Variants in ELP2 observed in about 807,000 individuals in gnomAD.
The protein encoded by ELP2 is elongator complex protein 2.
ELP2 carries 90 observed loss-of-function variants against 119.2 expected under a neutral mutation model. The ratio of observed to expected loss-of-function variants is 0.75; its 90% CI spans 0.64 to 0.90. The LOEUF (loss-of-function observed/expected upper bound fraction) is 0.90, where lower values mean the gene tolerates loss of function less well. ELP2 is among the 40% of genes least tolerant of loss of function. The pLI, the probability that ELP2 is intolerant of heterozygous loss-of-function variation, is 0.00. For missense variants in ELP2, 921 were observed against 967.8 expected, an observed-to-expected ratio of 0.95 and a Z score of 0.64; for synonymous variants, 339 against 331.0, an observed-to-expected ratio of 1.02 and a Z score of -0.26.
intron 3 of ELP2, chr18:36,138,036 C>A (rs1322285098): frequency 4.1e-6 from 2 of 485,074 alleles, no homozygotes; most frequent in African/African-American, 3.9e-5. Flanking sequence ...GACCTATATT[C>A]TTCAGAATAC....
In ELP2 at chr18:36,133,255, C is replaced by T. The variant is rs2089698845; in HGVS notation, c.156C>T (p.Thr52=). The T allele has an allele frequency of 4.3e-6, 7 of 1,613,296 alleles. No homozygotes were observed. The highest frequency in any genetic ancestry group is 5.9e-6 in the Non-Finnish European group (7 of 1,179,434). ...LYDPLKRVVV[T]NLNGHTARVN... is the part of the protein sequence containing the mutation. ...CTCTAAAGAAAAGGGTTGTTGTTACCAACTTGAATGGTCACACCGCCCGAG... is the reference window on the plus strand; with the variant it reads ...CTCTAAAGAAAAGGGTTGTTGTTACTAACTTGAATGGTCACACCGCCCGAG... Residue 52 remains threonine (T), a synonymous_variant, in exon 2 of 22, where the codon ACC becomes ACT. Coordinates refer to ENST00000358232, the MANE Select transcript of ELP2 (RefSeq NM_018255.4).
intron 19 of ELP2, among the ~76,000 whole-genome samples, chr18:36,169,750 G>A (rs1453731834): frequency 1.3e-5 from 2 of 152,182 alleles, no homozygotes; most frequent in East Asian, 3.9e-4. Flanking sequence ...TGAGCCTACT[G>A]ATGGGACTCC....
At chr18:36,131,169 A>G (rs1401110543) in intron 1 of ELP2, among the ~76,000 whole-genome samples, 4 of 152,166 alleles carry the variant, frequency 2.6e-5, no homozygotes, top group Admixed American at 6.5e-5. Flanking sequence ...GCCAGACCCT[A>G]TCTCAAAAAA....
rs201580162 is a variant in ELP2, at chr18:36,143,000, A to T, written c.796+34A>T. On this transcript the variant is annotated intron_variant, in intron 8 of 21. Transcript: ENST00000358232. ...TAATGAAAATATCCAATATAACGAT[A>T]CTTAGGTCTCCTAGTTGGTTGATTT... is the stretch of plus-strand genomic sequence containing the variant. 2.0e-6 allele frequency: 3 copies of T among 1,493,264 alleles called. No individual in the cohort carries two copies. In the African/African-American group the frequency reaches 4.2e-5, roughly 21 times the overall value. The allele number at this position is 1,493,264 out of a possible 1,614,324, so 92.5% of individuals were successfully genotyped here.
chr18:36,161,031 T>A (rs748435888), intron 17 of ELP2, 27 bp downstream of exon 17: 1 of 1,578,614 alleles, frequency 6.3e-7, no homozygotes. Flanking sequence ...TTGATTCTGC[T>A]TGGTCACAGG....
At chr18:36,144,697 T>G (rs2090142881) in intron 8 of ELP2, among the ~76,000 whole-genome samples, 1 of 152,248 alleles carries the variant, frequency 6.6e-6, no homozygotes, top group Admixed American at 6.5e-5. Context: ...AGATATTCCT[T>G]CATATTTATT....
chr18:36,171,076 G>T lies in ELP2; in HGVS notation c.2240G>T (p.Gly747Val). 6.2e-7 allele frequency: 1 copy of T among 1,613,988 alleles called. No homozygotes were observed. The highest frequency in any genetic ancestry group is 8.5e-7 in the Non-Finnish European group (1 of 1,179,840). The change falls in exon 21 of 22, where the codon GGA becomes GTA. Residue 747 changes from glycine (G) to valine (V), a missense_variant. Transcript: ENST00000358232. Reference sequence around the variant, plus strand: ...GTGGTTGCAGTAGGATTGGAGTGTGGAAAGATTTGCTTATATACCTGGAAA... The same window carrying T: ...GTGGTTGCAGTAGGATTGGAGTGTGTAAAGATTTGCTTATATACCTGGAAA... ...RYVVAVGLEC[G>V]KICLYTWKKT...
At chr18:36,149,000 G>A (rs1473636115) in intron 11 of ELP2, among the ~76,000 whole-genome samples, 1 of 152,230 alleles carries the variant, frequency 6.6e-6, no homozygotes, top group African/African-American at 2.4e-5. Context: ...GTTTCAGAAG[G>A]AGTAGCCTCA....
rs747988536 is a variant in ELP2, at chr18:36,146,078, A to G, written c.993+30A>G. 5 of 1,606,732 alleles carry G rather than the reference A, an allele frequency of 3.1e-6. No individual in the cohort carries two copies. The African/African-American group carries it at 6.7e-5, about 21-fold the overall frequency. ...AAATGTTGGATATTTAAGGAACAGA[A>G]AATTAAGTTTTGAACTCTGTATTTA... On this transcript the variant is annotated intron_variant, in intron 10 of 21. Transcript: ENST00000358232.
chr18:36,161,261 A>G (rs1455740553), intron 17 of ELP2, among the ~76,000 whole-genome samples: 2 of 152,182 alleles, frequency 1.3e-5, no homozygotes, highest in African/African-American at 4.8e-5. Context: ...GTATCTCAAA[A>G]TGACACCTGC....
At position 36,167,222 on chromosome 18, in the gene ELP2, G is replaced by T; in HGVS notation, c.2076G>T (p.Lys692Asn). The change falls in exon 19 of 22, where the codon AAG (lysine) becomes AAT (asparagine). Residue 692 changes from lysine to asparagine, a missense_variant and splice_region_variant. Transcript: ENST00000358232. ...KYFFTGSRDKKVVVWGECDST... is the reference protein window; with the variant it reads ...KYFFTGSRDKNVVVWGECDST... ...TCTTCACTGGGAGTCGAGACAAAAA[G>T]GTAATTATTTAAAAATTTAATATTT... 1 of 1,577,852 alleles carries T rather than the reference G, an allele frequency of 6.3e-7. No individual in the cohort carries two copies. The highest frequency in any genetic ancestry group is 8.6e-7 in the Non-Finnish European group (1 of 1,160,510).
At chr18:36,167,009 A>G in intron 18 of ELP2, 92 bp from the exon 19 acceptor site, 1 of 1,326,922 alleles carries the variant, frequency 7.5e-7, no homozygotes, top group Non-Finnish European at 1.0e-6. Flanking sequence ...ATATTAAGTC[A>G]TATGGTGTAT....
chr18:36,178,105 C>T lies in ELP2; in HGVS notation c.*3464C>T, dbSNP rs778715562. The T allele has an allele frequency of 7.2e-5, 11 of 152,208 alleles. No homozygotes were observed. The highest frequency in any genetic ancestry group is 1.9e-4 in the East Asian group (1 of 5,194). The allele number at this position is 152,208 out of a possible 1,614,324, so 9.4% of individuals were successfully genotyped here. ...ATGTCCATGTAACAAGCTGCCCTCC[C>T]CAACTCCCTCCTTCCTGTTTCTCCC... On this transcript the variant is annotated 3_prime_UTR_variant, in exon 22 of 22. Transcript: ENST00000358232.
At chr18:36,149,996 T>C (rs2144681682) in intron 11 of ELP2, among the ~76,000 whole-genome samples, 1 of 152,338 alleles carries the variant, frequency 6.6e-6, no homozygotes, top group South Asian at 2.1e-4. Context: ...ATATCTTCTG[T>C]TCTGGTTTTT....
chr18:36,141,939 C>A (rs574459918), intron 6 of ELP2, among the ~76,000 whole-genome samples: 1 of 152,158 alleles, frequency 6.6e-6, no homozygotes, highest in Non-Finnish European at 1.5e-5. Flanking sequence ...GATAGTCCCA[C>A]CTCCTCAGCC....
At position 36,147,090 on chromosome 18, in the gene ELP2, T is replaced by G. The variant is rs947157166; in HGVS notation, c.1125+709T>G. ...TTGTAAAACATGGGTAGTTTTTTTT[T>G]TTTTTTTTTTTTCTTTTAACAGGAT... On this transcript the variant is annotated intron_variant, in intron 11 of 21. Transcript: ENST00000358232. 4.6e-5 allele frequency among the ~76,000 whole-genome samples: 7 copies of G among 150,990 alleles called. No homozygotes were observed. In the East Asian group the frequency reaches 7.8e-4, roughly 17 times the overall value.
At chr18:36,142,996 C>A in intron 8 of ELP2, 30 bp downstream of exon 8, 1 of 1,512,314 alleles carries the variant, frequency 6.6e-7, no homozygotes, top group South Asian at 1.2e-5. Flanking sequence ...TCCAATATAA[C>A]GATACTTAGG....
rs1324916450 is a variant in ELP2 at position 36,159,976 on chromosome 18, A to G, written c.1649A>G (p.His550Arg). 9 of 1,614,032 alleles carry G rather than the reference A, an allele frequency of 5.6e-6. No individual in the cohort carries two copies. Among genetic ancestry groups the G allele is most frequent in the African/African-American group, 2.7e-5 (2 of 74,946 alleles). The change falls in exon 16 of 22, where the codon CAT (histidine) becomes CGT (arginine). Residue 550 changes from histidine to arginine, a missense_variant. Transcript: ENST00000358232. ...ATTCTAGAGCCTCCCACTGAGGATCATCTTCTGCAGAATACTTTGTGGCCT... is the reference window on the plus strand; with the variant it reads ...ATTCTAGAGCCTCCCACTGAGGATCGTCTTCTGCAGAATACTTTGTGGCCT... ...SILTEPPTED[H>R]LLQNTLWPEV...
intron 17 of ELP2, among the ~76,000 whole-genome samples, chr18:36,161,886 T>C (rs2144757774): frequency 6.6e-6 from 1 of 152,216 alleles, no homozygotes; most frequent in Non-Finnish European, 1.5e-5. Context: ...ATAGGAGCCT[T>C]TGGGAAAAAT....
Sources: allele counts gnomAD v4.1 joint callset (sites outside exome capture counted in the v4.1 genomes callset), GRCh38; gene constraint gnomAD v4.1.1; transcripts MANE v1.5; gene names NCBI Gene and HGNC (gene_info 2026-07-23, HGNC 2026-07-21).